MX2: variants seen among roughly 807,000 people sequenced by gnomAD.
MX2 encodes interferon-induced GTP-binding protein Mx2.
A neutral mutation model predicts 74.0 loss-of-function variants in MX2; 51 were observed. The observed-to-expected ratio is 0.69, with a 90% CI of 0.55 to 0.87. The LOEUF is 0.87. Ranked by LOEUF, MX2 falls within the 40% of genes least tolerant of loss-of-function variation. The pLI is 0.00. For missense variants in MX2, 832 were observed against 908.7 expected (o/e 0.92, Z 1.09); for synonymous variants, 369 against 339.3 (o/e 1.09, Z -0.96).
chr21:41,398,858 T>G, intron 8 of MX2, 39 bp from the exon 9 acceptor site: 1 of 1,600,092 alleles, frequency 6.2e-7, no homozygotes, highest in Non-Finnish European at 8.6e-7. Context: ...GGCCAATCTC[T>G]TAAGCCGCAG....
intron 1 of MX2, 127 bp from the exon 2 acceptor site, chr21:41,376,709 C>G: frequency 3.0e-6 from 2 of 672,444 alleles, no homozygotes; most frequent in Non-Finnish European, 5.0e-6. Context: ...TGCACTGGAC[C>G]CCTGGTCTCT....
chr21:41,407,886 C>T (rs552871930), intron 13 of MX2, 105 bp from the exon 14 acceptor site: 52 of 1,474,826 alleles, frequency 3.5e-5, no homozygotes, highest in South Asian at 5.1e-5. Flanking sequence ...ACCAGGGCTT[C>T]GCCAGGCAAC....
At position 41,376,844 on chromosome 21, in the gene MX2, A is replaced by G. The variant is rs1305289493; in HGVS notation, c.-63A>G. 12 of 1,590,220 alleles carry G rather than the reference A, an allele frequency of 7.5e-6. No homozygotes were observed. Among genetic ancestry groups the G allele is most frequent in the Non-Finnish European group, 9.4e-6 (11 of 1,167,452 alleles). On this transcript the variant is annotated 5_prime_UTR_variant, in exon 2 of 14. Coordinates refer to ENST00000330714, the MANE Select transcript of MX2 (RefSeq NM_002463.2). ...CTCTTGTGTCTTTGCAGAGCTTGTC[A>G]GGAAGATCGGAGGTGCCAAGTAGCA...
chr21:41,381,451 C>T (rs1043942410), intron 4 of MX2, among the ~76,000 whole-genome samples: 7 of 151,984 alleles, frequency 4.6e-5, no homozygotes, highest in African/African-American at 7.3e-5. Flanking sequence ...TTTGGGAGGC[C>T]GAGGCAGGCG....
chr21:41,398,191 C>T (rs1453852656), intron 8 of MX2, among the ~76,000 whole-genome samples: 1 of 152,214 alleles, frequency 6.6e-6, no homozygotes, highest in Non-Finnish European at 1.5e-5. Context: ...TGCCTGTAAT[C>T]CCAGCTACTG....
In MX2 at chr21:41,380,895, G is replaced by C. The variant is rs570506595; in HGVS notation, c.577+744G>C. ...CTCCCCTATCCTGCCTGCACAGCCTGTCCTGGACTCAGCCAGGATAGATGG... is the reference window on the plus strand; with the variant it reads ...CTCCCCTATCCTGCCTGCACAGCCTCTCCTGGACTCAGCCAGGATAGATGG... On this transcript the variant is annotated intron_variant, in intron 4 of 13. Coordinates refer to ENST00000330714, the MANE Select transcript of MX2 (RefSeq NM_002463.2). The surrounding 1 kb of genome is among the most constrained non-coding windows in gnomAD (Gnocchi z 4.3). Among the ~76,000 whole-genome samples the C allele has an allele frequency of 6.6e-6, 1 of 152,178 alleles. No homozygotes were observed. The highest frequency in any genetic ancestry group is 1.5e-5 in the Non-Finnish European group (1 of 68,016).
In MX2 at chr21:41,380,637, G is replaced by A. The variant is rs1382986229; in HGVS notation, c.577+486G>A. Among the ~76,000 whole-genome samples, 1 of 152,168 alleles carries A rather than the reference G, an allele frequency of 6.6e-6. No homozygotes were observed. Among genetic ancestry groups the A allele is most frequent in the African/African-American group, 2.4e-5 (1 of 41,446 alleles). On this transcript the variant is annotated intron_variant, in intron 4 of 13. Coordinates refer to ENST00000330714, the MANE Select transcript of MX2 (RefSeq NM_002463.2). This position sits in a 1 kb window ranked among gnomAD's most constrained non-coding sequence, Gnocchi z 4.3. ...TGAAGTTCAGCTCTAACCCTGGCCA[G>A]CCACCTTGTGGCCACCTTTCCTCCC...
In MX2 at chr21:41,402,064, C is replaced by A. The variant is rs747189760; in HGVS notation, c.1509C>A (p.Ile503=). Residue 503 remains isoleucine (I), a synonymous_variant, in exon 11 of 14, where the codon ATC becomes ATA. Transcript: ENST00000330714. The surrounding 1 kb of genome is among the most constrained non-coding windows in gnomAD (Gnocchi z 4.5). ...TTGTCAACTACAAGACATTTGAGAT[C>A]ATCGTGCATCAGTACATCCAGCAGC... ...LGFVNYKTFE[I]IVHQYIQQLV... 2 of 1,614,194 alleles carry A rather than the reference C, an allele frequency of 1.2e-6. No individual in the cohort carries two copies. The highest frequency in any genetic ancestry group is 2.7e-5 in the African/African-American group (2 of 75,056).
intron 10 of MX2, 65 bp from the exon 11 acceptor site, chr21:41,401,905 T>C: frequency 6.5e-7 from 1 of 1,545,608 alleles, no homozygotes; most frequent in South Asian, 1.2e-5. Context: ...TATAAAACTG[T>C]TGCTAGCTTT....
In MX2 at chr21:41,399,352, G is replaced by A. The variant is rs778140336; in HGVS notation, c.1414+15G>A. 4.3e-6 allele frequency: 7 copies of A among 1,611,528 alleles called. No homozygotes were observed. In the South Asian group the frequency reaches 5.5e-5, roughly 13 times the overall value. ...TACCCAAAAAGGTAAGTTCTGGGCAGGGCTCCCTGCAAAACAGGGTGGTAT... is the reference window on the plus strand; with the variant it reads ...TACCCAAAAAGGTAAGTTCTGGGCAAGGCTCCCTGCAAAACAGGGTGGTAT... On this transcript the variant is annotated intron_variant, in intron 10 of 13. Coordinates refer to ENST00000330714, the MANE Select transcript of MX2 (RefSeq NM_002463.2).
In MX2 at chr21:41,380,879, C is replaced by T. The variant is rs983536513; in HGVS notation, c.577+728C>T. On this transcript the variant is annotated intron_variant, in intron 4 of 13. Coordinates refer to ENST00000330714, the MANE Select transcript of MX2 (RefSeq NM_002463.2). The surrounding 1 kb of genome is among the most constrained non-coding windows in gnomAD (Gnocchi z 4.3). Reference sequence around the variant, plus strand: ...ACCTCCCTAAAGGCTTCTCCCCTATCCTGCCTGCACAGCCTGTCCTGGACT... The same window carrying T: ...ACCTCCCTAAAGGCTTCTCCCCTATTCTGCCTGCACAGCCTGTCCTGGACT... Among the ~76,000 whole-genome samples, 1 of 152,214 alleles carries T rather than the reference C, an allele frequency of 6.6e-6. No homozygotes were observed. Among genetic ancestry groups the T allele is most frequent in the Non-Finnish European group, 1.5e-5 (1 of 68,030 alleles).
chr21:41,386,989 A>T (rs1159450769), intron 5 of MX2, among the ~76,000 whole-genome samples: 1 of 150,546 alleles, frequency 6.6e-6, no homozygotes, highest in Non-Finnish European at 1.5e-5. Flanking sequence ...AACCTAAAAC[A>T]AAACAGAACA....
In MX2 at chr21:41,363,212, G is replaced by A. The variant is rs2089231742; in HGVS notation, c.-72+1157G>A. ...TCCCAGCCCCGCGCCAACCCCTGAA[G>A]CACTTTTGACTCCCTTCGGATGTAC... On this transcript the variant is annotated intron_variant, in intron 1 of 13. Transcript: ENST00000330714. The surrounding 1 kb of genome is among the most constrained non-coding windows in gnomAD (Gnocchi z 4.2). 6.6e-6 allele frequency: 1 copy of A among 151,904 alleles called. No homozygotes were observed. The highest frequency in any genetic ancestry group is 1.5e-5 in the Non-Finnish European group (1 of 68,002). 9.4% of individuals were successfully genotyped at this position (151,904 alleles called of 1,614,324 possible). A position where few individuals can be genotyped will look rare whatever the true frequency, so the allele number is the denominator to read the frequency against.
intron 1 of MX2, among the ~76,000 whole-genome samples, chr21:41,372,406 C>T (rs939866460): frequency 6.6e-6 from 1 of 152,184 alleles, no homozygotes; most frequent in Non-Finnish European, 1.5e-5. Context: ...GCCAATATTA[C>T]TTGTCAGAAG....
intron 13 of MX2, among the ~76,000 whole-genome samples, chr21:41,407,281 C>T (rs921415074): frequency 6.6e-5 from 10 of 152,100 alleles, no homozygotes; most frequent in African/African-American, 2.2e-4. Flanking sequence ...ATTTCTTATG[C>T]GGTCCATGAA....
In MX2 at chr21:41,399,013, A is replaced by G. The variant is rs766512432; in HGVS notation, c.1266A>G (p.Leu422=). Residue 422 remains leucine, a synonymous_variant, in exon 9 of 14, where the codon CTA becomes CTG. Coordinates refer to ENST00000330714, the MANE Select transcript of MX2 (RefSeq NM_002463.2). ...AGGAGGCCGACAAGATGTTCTTTCT[A>G]ATTGAGGTGAGGATTTCCGCAGGAC... is the stretch of plus-strand genomic sequence containing the variant. The part of the protein sequence containing the change: ...PSQEADKMFF[L]IEKIKMFNQD... The G allele has an allele frequency of 5.6e-6, 9 of 1,612,954 alleles. No homozygotes were observed. The South Asian group carries it at 7.7e-5, about 14-fold the overall frequency.
Position 41,399,231 on chromosome 21 carries a change from A to C in MX2, c.1308A>C (p.Leu436Phe), listed in dbSNP as rs1215046533. ...IKMFNQDIEK[L>F]VEGEEVVREN... ...TGTTTAATCAGGACATCGAAAAGTT[A>C]GTAGAAGGAGAAGAAGTTGTAAGGG... is the stretch of plus-strand genomic sequence containing the variant. Residue 436 changes from leucine (L) to phenylalanine (F), a missense_variant, in exon 10 of 14, where the codon TTA (leucine) becomes TTC (phenylalanine). Coordinates refer to ENST00000330714, the MANE Select transcript of MX2 (RefSeq NM_002463.2). 1 of 1,613,982 alleles carries C rather than the reference A, an allele frequency of 6.2e-7. No individual in the cohort carries two copies. Among genetic ancestry groups the C allele is most frequent in the East Asian group, 2.2e-5 (1 of 44,882 alleles).
At chr21:41,381,986 A>G (rs2089502270) in intron 4 of MX2, among the ~76,000 whole-genome samples, 1 of 152,190 alleles carries the variant, frequency 6.6e-6, no homozygotes, top group East Asian at 1.9e-4. Flanking sequence ...GTCACACACC[A>G]TCACCTCCAC....
chr21:41,366,992 CAAG>C lies in MX2; in HGVS notation c.-72+4940_-72+4942del, dbSNP rs1478479159. 6.6e-6 allele frequency: 1 copy of C among 152,268 alleles called. No homozygotes were observed. Among genetic ancestry groups the C allele is most frequent in the Non-Finnish European group, 1.5e-5 (1 of 68,124 alleles). 9.4% of individuals were successfully genotyped at this position (152,268 alleles called of 1,614,324 possible). ...AAAGCGCCACCATAAACCTGTAACA[CAAG>C]AATGAAACCCAGCAAGAATCAGGGG... On this transcript the variant is annotated intron_variant, in intron 1 of 13. Transcript: ENST00000330714. This position sits in a 1 kb window ranked among gnomAD's most constrained non-coding sequence, Gnocchi z 4.5.
Sources: allele counts gnomAD v4.1 joint callset (sites outside exome capture counted in the v4.1 genomes callset), GRCh38; gene constraint gnomAD v4.1.1; non-coding constraint Gnocchi (gnomAD v3.1); transcripts MANE v1.5; gene names NCBI Gene and HGNC (gene_info 2026-07-23, HGNC 2026-07-21).